TNKS: variants seen among roughly 807,000 people sequenced by gnomAD.
TNKS encodes poly [ADP-ribose] polymerase tankyrase-1.
In TNKS, 72 loss-of-function variants were observed where a neutral mutation model predicts 135.8. That is an observed-to-expected ratio of 0.53 (90% CI 0.44 to 0.64). TNKS has a LOEUF of 0.64. TNKS is among the 30% of genes least tolerant of loss of function. The pLI is 0.00. For synonymous variants in TNKS, 849 were observed against 649.3 expected, an observed-to-expected ratio of 1.31 and a Z score of -4.68; for missense variants, 1,769 against 1,674.0, an observed-to-expected ratio of 1.06 and a Z score of -0.99.
chr8:9,767,064 G>A (rs1807491973), intron 25 of TNKS, among the ~76,000 whole-genome samples: 3 of 152,204 alleles, frequency 2.0e-5, no homozygotes, highest in Admixed American at 2.0e-4. Context: ...GTGGAACAAA[G>A]AACTGCTAGC....
chr8:9,595,199 C>A (rs1798732863), intron 2 of TNKS, among the ~76,000 whole-genome samples: 1 of 151,788 alleles, frequency 6.6e-6, no homozygotes, highest in African/African-American at 2.4e-5. Flanking sequence ...CGGCTCACTG[C>A]AACCTCTGCC....
chr8:9,644,990 G>A (rs986256694), intron 3 of TNKS, among the ~76,000 whole-genome samples: 31 of 152,188 alleles, frequency 2.0e-4, no homozygotes, highest in Admixed American at 1.1e-3. Context: ...ACTAGGCTAA[G>A]CTATGATGTA....
In TNKS at chr8:9,682,870, A is replaced by G. The variant is rs183972053; in HGVS notation, c.1107+2070A>G. Among the ~76,000 whole-genome samples the G allele has an allele frequency of 2.3e-4, 35 of 152,072 alleles. 1 individual carries two copies. The East Asian group carries it at 6.5e-3, about 28-fold the overall frequency. The stretch of plus-strand genomic sequence containing the variant: ...AACATGAGGGAGAACCGTATAATTT[A>G]TAATGTATAGAACATTTTTAAGAAC... On this transcript the variant is annotated intron_variant, in intron 5 of 26. Transcript: ENST00000310430.
intron 18 of TNKS, among the ~76,000 whole-genome samples, chr8:9,751,239 C>T (rs1282480609): frequency 6.6e-6 from 1 of 152,124 alleles, no homozygotes; most frequent in African/African-American, 2.4e-5. Context: ...TGAAATTTCA[C>T]CAGATGTTAA....
intron 2 of TNKS, among the ~76,000 whole-genome samples, chr8:9,582,112 T>G (rs933791945): frequency 6.6e-6 from 1 of 152,160 alleles, no homozygotes; most frequent in Non-Finnish European, 1.5e-5. Flanking sequence ...ATTATGGGAG[T>G]CAAAATTGGT....
intron 3 of TNKS, among the ~76,000 whole-genome samples, chr8:9,623,916 T>C (rs1292370228): frequency 2.6e-5 from 4 of 152,028 alleles, no homozygotes; most frequent in Admixed American, 2.6e-4. Context: ...GCTGGAGAAT[T>C]GCTTGAACCC....
At chr8:9,625,471 A>G (rs1367112623) in intron 3 of TNKS, among the ~76,000 whole-genome samples, 1 of 151,392 alleles carries the variant, frequency 6.6e-6, no homozygotes, top group Non-Finnish European at 1.5e-5. Flanking sequence ...TTGAGGTAGG[A>G]GCTTAGAAAA....
chr8:9,559,201 G>C (rs1375512450), intron 1 of TNKS, among the ~76,000 whole-genome samples: 1 of 152,100 alleles, frequency 6.6e-6, no homozygotes, highest in East Asian at 1.9e-4. Flanking sequence ...AAAGTATCTA[G>C]TGTCTAATCT....
At chr8:9,653,974 T>G (rs1484875836) in intron 3 of TNKS, among the ~76,000 whole-genome samples, 1 of 152,202 alleles carries the variant, frequency 6.6e-6, no homozygotes, top group African/African-American at 2.4e-5. Flanking sequence ...CCTTAGGCTC[T>G]TCATGGTTTG....
At chr8:9,668,038 CTG>C in intron 3 of TNKS, among the ~76,000 whole-genome samples, 1 of 152,252 alleles carries the variant, frequency 6.6e-6, no homozygotes, top group South Asian at 2.1e-4. Context: ...GGCACCAAAC[CTG>C]CAGCAACTTG....
Position 9,586,778 on chromosome 8 carries a change from A to G in TNKS, c.898+6395A>G, listed in dbSNP as rs187021252. On this transcript the variant is annotated intron_variant, in intron 2 of 26. Transcript: ENST00000310430. ...GTGTGTGTGTATGAAGTTAGGTGGT[A>G]AATAATCCAATTGACTTGTTAAGTT... Among the ~76,000 whole-genome samples the G allele has an allele frequency of 8.0e-5, 12 of 150,316 alleles. No homozygotes were observed. In the East Asian group the frequency reaches 2.4e-3, roughly 29 times the overall value.
chr8:9,640,588 G>A (rs1471461840), intron 3 of TNKS, among the ~76,000 whole-genome samples: 2 of 145,758 alleles, frequency 1.4e-5, no homozygotes, highest in South Asian at 2.2e-4. Context: ...TTATATGCAC[G>A]GTAATGATTA....
Position 9,706,259 on chromosome 8 carries a change from A to G in TNKS, c.1269+6A>G. The G allele has an allele frequency of 6.4e-7, 1 of 1,558,222 alleles. No individual in the cohort carries two copies. Among genetic ancestry groups the G allele is most frequent in the Non-Finnish European group, 8.7e-7 (1 of 1,154,986 alleles). ...TCACAGAACTGCTACTAAAGGTAAG[A>G]GAAATTCAGAATATTGAGCATCATT... On this transcript the variant is annotated splice_donor_region_variant and intron_variant, in intron 7 of 26. Coordinates refer to ENST00000310430, the MANE Select transcript of TNKS (RefSeq NM_003747.3).
In TNKS at chr8:9,752,606, G is replaced by C. The variant is rs763492633; in HGVS notation, c.3133G>C (p.Asp1045His). The C allele has an allele frequency of 4.3e-5, 69 of 1,611,820 alleles. No homozygotes were observed. Among genetic ancestry groups the C allele is most frequent in the Non-Finnish European group, 5.1e-5 (60 of 1,178,644 alleles). The change falls in exon 20 of 27, where the codon GAT becomes CAT. Residue 1045 changes from aspartate (D) to histidine (H), a missense_variant. Transcript: ENST00000310430. Reference sequence around the variant, plus strand: ...AAGCCTTGGCCTTGAACACCTTCGGGATATCTTTGAAACAGAACAGGTAAA... The same window carrying C: ...AAGCCTTGGCCTTGAACACCTTCGGCATATCTTTGAAACAGAACAGGTAAA... ...LKSLGLEHLR[D>H]IFETEQITLD...
chr8:9,704,901 T>A (rs2128807422), intron 6 of TNKS, 144 bp downstream of exon 6: 1 of 471,044 alleles, frequency 2.1e-6, no homozygotes, highest in African/African-American at 1.9e-5. Context: ...GTTTGAGGCT[T>A]TATTTTCATG....
intron 5 of TNKS, among the ~76,000 whole-genome samples, chr8:9,684,825 C>T (rs1039285330): frequency 1.3e-5 from 2 of 152,146 alleles, no homozygotes; most frequent in East Asian, 1.9e-4. Context: ...TACTGGTTAA[C>T]GGGGAGCTCA....
chr8:9,657,232 G>A (rs1357427396), intron 3 of TNKS, among the ~76,000 whole-genome samples: 4 of 127,334 alleles, frequency 3.1e-5, no homozygotes, highest in South Asian at 2.7e-4. Context: ...CGGACGGGGC[G>A]GCTGGCCGGG....
intron 3 of TNKS, 80 bp from the exon 4 acceptor site, chr8:9,679,871 A>C: frequency 8.5e-7 from 1 of 1,171,568 alleles, no homozygotes; most frequent in Non-Finnish European, 1.3e-6. Context: ...TCTCTATTTA[A>C]TTCTCTATTT....
chr8:9,696,633 A>C (rs1473020942), intron 5 of TNKS, among the ~76,000 whole-genome samples: 1 of 152,200 alleles, frequency 6.6e-6, no homozygotes, highest in East Asian at 1.9e-4. Context: ...TACAAAAATC[A>C]GTGGCATTTC....
Sources: gnomAD v4.1 joint callset for allele counts (sites outside exome capture counted in the v4.1 genomes callset) on GRCh38, gnomAD v4.1.1 for gene constraint, MANE v1.5 for transcripts, NCBI Gene and HGNC (gene_info 2026-07-23, HGNC 2026-07-21) for gene names.